PTPRT: variants seen among roughly 807,000 people sequenced by gnomAD.
The protein encoded by PTPRT is protein tyrosine phosphatase receptor type T.
PTPRT carries 56 observed loss-of-function variants against 176.8 expected under a neutral mutation model. The observed-to-expected ratio is 0.32, with a 90% CI of 0.26 to 0.40. The LOEUF (loss-of-function observed/expected upper bound fraction) is 0.40, where lower values mean the gene tolerates loss of function less well. Ranked by LOEUF, PTPRT falls within the 10% of genes least tolerant of loss-of-function variation. PTPRT has a pLI of 1.00. For missense variants in PTPRT, 1,540 were observed against 1,908.2 expected (o/e 0.81, Z 3.60); for synonymous variants, 783 against 739.0 (o/e 1.06, Z -0.96).
chr20:42,682,334 A>G (rs187574573), intron 6 of PTPRT, among the ~76,000 whole-genome samples: 1 of 152,326 alleles, frequency 6.6e-6, no homozygotes, highest in East Asian at 1.9e-4. Context: ...GAATGCCACT[A>G]ATTACCTGAA....
rs757455181 is a variant in PTPRT, at chr20:42,315,727, T to C, written c.2135A>G (p.Asn712Ser). The C allele has an allele frequency of 1.4e-5, 22 of 1,613,628 alleles. No individual in the cohort carries two copies. Among genetic ancestry groups the C allele is most frequent in the African/African-American group, 2.7e-5 (2 of 74,916 alleles). Residue 712 changes from asparagine to serine, a missense_variant, in exon 12 of 31, where the codon AAT becomes AGT. This residue lies in a region of PTPRT where 255 missense variants were observed against 250.1 expected (regional missense o/e 1.02). Coordinates refer to ENST00000373187, the MANE Select transcript of PTPRT (RefSeq NM_007050.6). ...SIYFQALSKANGETKINCVRL... is the reference protein window; with the variant it reads ...SIYFQALSKASGETKINCVRL... ...CCTCCATGTGGCCATACTTACTCCA[T>C]TGGCTTTGCTGAGTGCCTGGAAGTA... is the stretch of plus-strand genomic sequence containing the variant.
chr20:43,168,959 G>A (rs1237245572), intron 1 of PTPRT, among the ~76,000 whole-genome samples: 1 of 152,178 alleles, frequency 6.6e-6, no homozygotes, highest in Non-Finnish European at 1.5e-5. Flanking sequence ...GCAGACATGT[G>A]AACAGCTGTG....
chr20:42,435,630 G>C (rs62203499), intron 9 of PTPRT, among the ~76,000 whole-genome samples: 34,873 of 151,934 alleles, frequency 0.23, 4,419 homozygotes, highest in African/African-American at 0.33. Context: ...CTAAAATTAA[G>C]GTAATAAAAC....
intron 1 of PTPRT, among the ~76,000 whole-genome samples, chr20:42,915,189 G>A (rs2145940880): frequency 6.6e-6 from 1 of 152,328 alleles, no homozygotes; most frequent in South Asian, 2.1e-4. Flanking sequence ...TGCTATTTTA[G>A]GGCCTCTCTG....
At chr20:42,190,429 A>G (rs1047270597) in intron 16 of PTPRT, among the ~76,000 whole-genome samples, 4 of 152,160 alleles carry the variant, frequency 2.6e-5, no homozygotes, top group Non-Finnish European at 5.9e-5. Context: ...CAGTACTCCT[A>G]TGGCAATAAC....
At chr20:42,897,645 G>C (rs1008475554) in intron 1 of PTPRT, among the ~76,000 whole-genome samples, 12 of 152,206 alleles carry the variant, frequency 7.9e-5, no homozygotes, top group African/African-American at 2.9e-4. Flanking sequence ...GGTGGTGGAT[G>C]ATGTTCTTTG....
At chr20:42,925,094 C>T (rs1015218097) in intron 1 of PTPRT, among the ~76,000 whole-genome samples, 1 of 152,206 alleles carries the variant, frequency 6.6e-6, no homozygotes, top group Non-Finnish European at 1.5e-5. Context: ...CTCCCAGAAG[C>T]ATTCCCGGGT....
intron 1 of PTPRT, among the ~76,000 whole-genome samples, chr20:42,911,645 T>G (rs1240531136): frequency 6.6e-6 from 1 of 152,158 alleles, no homozygotes; most frequent in African/African-American, 2.4e-5. Context: ...GTTTATTCAT[T>G]TCAATCTAAT....
intron 1 of PTPRT, among the ~76,000 whole-genome samples, chr20:43,112,630 T>C (rs992204452): frequency 2.6e-5 from 4 of 152,264 alleles, no homozygotes; most frequent in Admixed American, 6.5e-5. Flanking sequence ...ATAAAATCAA[T>C]AGGGAGTGCA....
At chr20:42,105,894 C>T (rs896640389) in intron 24 of PTPRT, among the ~76,000 whole-genome samples, 7 of 152,164 alleles carry the variant, frequency 4.6e-5, no homozygotes, top group Non-Finnish European at 8.8e-5. Flanking sequence ...CAGCTCTGGT[C>T]GCCCAGGCAC....
At chr20:42,431,280 G>C (rs2059213696) in intron 9 of PTPRT, among the ~76,000 whole-genome samples, 1 of 152,044 alleles carries the variant, frequency 6.6e-6, no homozygotes, top group Non-Finnish European at 1.5e-5. Flanking sequence ...TTTGAATCCA[G>C]GTCAACCAGA....
At chr20:42,521,074 ATCTC>A (rs1345666765) in intron 7 of PTPRT, among the ~76,000 whole-genome samples, 1 of 151,342 alleles carries the variant, frequency 6.6e-6, no homozygotes, top group Non-Finnish European at 1.5e-5. Flanking sequence ...ATACATACAT[ATCTC>A]TCTCTATGTG....
chr20:42,855,151 T>C (rs931023885), intron 2 of PTPRT, among the ~76,000 whole-genome samples: 1 of 152,162 alleles, frequency 6.6e-6, no homozygotes, highest in African/African-American at 2.4e-5. Context: ...TTGGAAACCT[T>C]TTCCAATAAG....
chr20:42,220,538 C>G lies in PTPRT; in HGVS notation c.2342+15691G>C, dbSNP rs763161103. 2.2e-4 allele frequency among the ~76,000 whole-genome samples: 32 copies of G among 148,688 alleles called. 1 individual carries two copies. Among genetic ancestry groups the G allele is most frequent in the Non-Finnish European group, 4.4e-5 (3 of 67,560 alleles). ...AGCCTGGGCAACATAGTGACACCCTCTCTACAAAAAAATAAAATAATAAAA... is the reference window on the plus strand; with the variant it reads ...AGCCTGGGCAACATAGTGACACCCTGTCTACAAAAAAATAAAATAATAAAA... On this transcript the variant is annotated intron_variant, in intron 15 of 30. Coordinates refer to ENST00000373187, the MANE Select transcript of PTPRT (RefSeq NM_007050.6).
intron 16 of PTPRT, among the ~76,000 whole-genome samples, chr20:42,172,118 C>T (rs907112595): frequency 1.3e-5 from 2 of 152,134 alleles, no homozygotes; most frequent in African/African-American, 4.8e-5. Flanking sequence ...CAATAATGCA[C>T]ACATGACAGA....
At chr20:42,739,490 G>A (rs1345439053) in intron 6 of PTPRT, among the ~76,000 whole-genome samples, 3 of 152,050 alleles carry the variant, frequency 2.0e-5, no homozygotes, top group Admixed American at 2.0e-4. Context: ...TGAATGCATA[G>A]GAATGGTTGC....
At chr20:43,171,070 C>T (rs762499154) in intron 1 of PTPRT, among the ~76,000 whole-genome samples, 10 of 152,128 alleles carry the variant, frequency 6.6e-5, no homozygotes, top group Non-Finnish European at 1.5e-4. Context: ...AGGGTCTTGA[C>T]GTGGATTAAA....
At chr20:42,256,185 A>G (rs1261434818) in intron 13 of PTPRT, among the ~76,000 whole-genome samples, 2 of 152,204 alleles carry the variant, frequency 1.3e-5, no homozygotes, top group African/African-American at 4.8e-5. Context: ...GATGCTGGGC[A>G]ACTTTCTGGC....
chr20:42,623,416 A>T (rs148645934), intron 7 of PTPRT, among the ~76,000 whole-genome samples: 3 of 152,268 alleles, frequency 2.0e-5, no homozygotes, highest in African/African-American at 7.2e-5. Flanking sequence ...AGAGAGGCAT[A>T]CCCCTGTCAC....
Sources: allele counts gnomAD v4.1 joint callset (sites outside exome capture counted in the v4.1 genomes callset), GRCh38; gene constraint gnomAD v4.1.1; regional missense constraint gnomAD v4.1.1; transcripts MANE v1.5; gene names NCBI Gene and HGNC (gene_info 2026-07-23, HGNC 2026-07-21).